Variants in RNF217 observed in about 807,000 individuals in gnomAD.
RNF217 encodes the protein ring finger protein 217, also known as E3 ubiquitin-protein ligase RNF217.
A neutral mutation model predicts 57.8 loss-of-function variants in RNF217; 31 were observed. That is an observed-to-expected ratio of 0.54 (90% CI 0.40 to 0.72). The LOEUF is 0.72. Among genes scored for constraint, RNF217 ranks in the 30% least tolerant of loss-of-function variants. The pLI is 0.00. For missense variants in RNF217, 696 were observed against 708.3 expected, an observed-to-expected ratio of 0.98 and a Z score of 0.20; for synonymous variants, 313 against 294.0, an observed-to-expected ratio of 1.06 and a Z score of -0.66.
chr6:125,079,987 T>A (rs1788515355), intron 4 of RNF217, among the ~76,000 whole-genome samples: 3 of 152,094 alleles, frequency 2.0e-5, no homozygotes, highest in Admixed American at 2.0e-4. Context: ...TTATTTCCTA[T>A]CTCGTTCCTT....
At position 125,048,370 on chromosome 6, in the gene RNF217, A is replaced by T. The variant is rs1787175401; in HGVS notation, c.1116+2926A>T. 6.1e-6 allele frequency: 5 copies of T among 817,244 alleles called. No individual in the cohort carries two copies. In the African/African-American group the frequency reaches 8.8e-5, roughly 14 times the overall value. 50.6% of individuals were successfully genotyped at this position (817,244 alleles called of 1,614,324 possible). A position where few individuals can be genotyped will look rare whatever the true frequency, so the allele number is the denominator to read the frequency against. On this transcript the variant is annotated intron_variant, in intron 2 of 5. Coordinates refer to ENST00000521654, the MANE Select transcript of RNF217 (RefSeq NM_001286398.3). ...AACTTTAAGAGGAGTGAATTCAAGT[A>T]CTCACACACAATACATTGCATCATG...
At chr6:125,049,988 T>C (rs532504136) in intron 2 of RNF217, among the ~76,000 whole-genome samples, 1 of 151,910 alleles carries the variant, frequency 6.6e-6, no homozygotes, top group Non-Finnish European at 1.5e-5. Flanking sequence ...GTCATCAATA[T>C]TGGGGGCAGT....
chr6:124,998,972 G>T (rs1426553538), intron 1 of RNF217, among the ~76,000 whole-genome samples: 1 of 152,094 alleles, frequency 6.6e-6, no homozygotes, highest in African/African-American at 2.4e-5. Context: ...AGTGCCTTTT[G>T]TTGCCACTTT....
At position 125,054,430 on chromosome 6, in the gene RNF217, C is replaced by G. The variant is rs191110356; in HGVS notation, c.1117-3512C>G. ...ACACAAGCTCTGGTAGTGTGAGAGC[C>G]CTTCTGTCATCTCACCAGAAGTCAA... On this transcript the variant is annotated intron_variant, in intron 2 of 5. Transcript: ENST00000521654. 2.0e-5 allele frequency among the ~76,000 whole-genome samples: 3 copies of G among 152,150 alleles called. No homozygotes were observed. The South Asian group carries it at 6.2e-4, about 32-fold the overall frequency.
rs76862620 is a variant in RNF217 at position 125,009,461 on chromosome 6, T to C, written c.883-35750T>C. 2,363 of 479,808 alleles carry C rather than the reference T, an allele frequency of 4.9e-3. 70 individuals are homozygous for C. The East Asian group carries it at 0.062, about 13-fold the overall frequency. The allele number at this position is 479,808 out of a possible 1,614,324, so 29.7% of individuals were successfully genotyped here. ...TGGTGCCATCTCTTTCTAGAAAGAA[T>C]GTAAGAAGGCAGAAAAAAAAAAGAA... On this transcript the variant is annotated intron_variant, in intron 1 of 5. Transcript: ENST00000521654.
rs1212745287 is a variant in RNF217, at chr6:124,962,570, G to C, written c.26G>C (p.Ser9Thr). ...ATGGGCGAGGAGCAGAGCACGGTGA[G>C]CGGCGGCGGCGGGCCCCAGGAGTCG... MGEEQSTV[S>T]GGGGPQESQT... Residue 9 changes from serine (S) to threonine (T), a missense_variant, in exon 1 of 6, where the codon AGC becomes ACC. Physicochemically the swap from Ser to Thr is moderately conservative, Grantham distance 58 (BLOSUM62 1). This residue lies in a region of RNF217 where 465 missense variants were observed against 386.8 expected (regional missense o/e 1.20). Coordinates refer to ENST00000521654, the MANE Select transcript of RNF217 (RefSeq NM_001286398.3). The surrounding 1 kb of genome is among the most constrained non-coding windows in gnomAD (Gnocchi z 4.6). 2.4e-6 allele frequency: 3 copies of C among 1,246,412 alleles called. No homozygotes were observed. The highest frequency in any genetic ancestry group is 3.0e-6 in the Non-Finnish European group (3 of 997,070). 77.2% of individuals were successfully genotyped at this position (1,246,412 alleles called of 1,614,324 possible).
At chr6:125,073,011 C>T (rs748643173) in intron 3 of RNF217, among the ~76,000 whole-genome samples, 16 of 152,312 alleles carry the variant, frequency 1.1e-4, no homozygotes, top group South Asian at 4.1e-4. Flanking sequence ...ATAGGCTCTA[C>T]GCAAAAATTA....
chr6:125,080,257 C>CA (rs947981247), intron 4 of RNF217, among the ~76,000 whole-genome samples: 1 of 151,820 alleles, frequency 6.6e-6, no homozygotes, highest in African/African-American at 2.4e-5. Flanking sequence ...CTGTCATTGG[C>CA]AAAAAATATA....
intron 3 of RNF217, among the ~76,000 whole-genome samples, chr6:125,063,283 A>C (rs1474202756): frequency 6.6e-6 from 1 of 152,220 alleles, no homozygotes; most frequent in Non-Finnish European, 1.5e-5. Flanking sequence ...ATACGTTATA[A>C]AAGCAAATAA....
intron 1 of RNF217, among the ~76,000 whole-genome samples, chr6:124,990,484 C>A (rs1784518871): frequency 1.3e-5 from 2 of 152,132 alleles, no homozygotes; most frequent in South Asian, 4.1e-4. Context: ...TCCCTGTAAA[C>A]CTGTTTTATT....
chr6:125,062,851 A>T (rs1188765278), intron 3 of RNF217, among the ~76,000 whole-genome samples: 40 of 152,192 alleles, frequency 2.6e-4, no homozygotes, highest in Non-Finnish European at 2.9e-5. Flanking sequence ...GTTGGATTAC[A>T]GGCGTGAGCC....
At chr6:125,057,215 G>A (rs894067913) in intron 2 of RNF217, among the ~76,000 whole-genome samples, 2 of 152,066 alleles carry the variant, frequency 1.3e-5, no homozygotes, top group African/African-American at 2.4e-5. Context: ...TCTCTCTGTC[G>A]CCCATGCTGG....
intron 1 of RNF217, among the ~76,000 whole-genome samples, chr6:125,043,051 TAA>T (rs1393072522): frequency 6.6e-6 from 1 of 152,070 alleles, no homozygotes; most frequent in African/African-American, 2.4e-5. Context: ...TCCAGACTCC[TAA>T]GATGGCTTCA....
At chr6:124,989,966 T>G (rs1490702533) in intron 1 of RNF217, among the ~76,000 whole-genome samples, 4 of 152,090 alleles carry the variant, frequency 2.6e-5, no homozygotes, top group Non-Finnish European at 5.9e-5. Context: ...TTCTTTATAA[T>G]GTTTTGCAAA....
At chr6:124,982,142 GA>G (rs999381023) in intron 1 of RNF217, among the ~76,000 whole-genome samples, 2 of 151,768 alleles carry the variant, frequency 1.3e-5, no homozygotes, top group African/African-American at 4.8e-5. Flanking sequence ...TCTTATTTAG[GA>G]ATAAAAGGGA....
chr6:124,974,191 A>G (rs544480068), intron 1 of RNF217, among the ~76,000 whole-genome samples: 2 of 152,270 alleles, frequency 1.3e-5, no homozygotes, highest in South Asian at 2.1e-4. Flanking sequence ...AGGGACATTG[A>G]CCTCAACTTA....
At chr6:124,992,970 GT>G (rs1270287299) in intron 1 of RNF217, among the ~76,000 whole-genome samples, 2 of 152,090 alleles carry the variant, frequency 1.3e-5, no homozygotes, top group Non-Finnish European at 2.9e-5. Context: ...ATTTTCCAAT[GT>G]AATAGAATAT....
chr6:125,007,899 A>G (rs548026075), intron 1 of RNF217, among the ~76,000 whole-genome samples: 20 of 152,336 alleles, frequency 1.3e-4, no homozygotes, highest in African/African-American at 4.8e-4. Context: ...TAATTTATAA[A>G]TCAGGCAGAA....
At chr6:125,013,355 G>A (rs932928332) in intron 1 of RNF217, among the ~76,000 whole-genome samples, 31 of 41,440 alleles carry the variant, frequency 7.5e-4, no homozygotes, top group African/African-American at 2.0e-3. Context: ...TTGTGTATGT[G>A]TGTGTGTGTG....
Sources: gnomAD v4.1 joint callset for allele counts (sites outside exome capture counted in the v4.1 genomes callset) on GRCh38, gnomAD v4.1.1 for gene constraint, gnomAD v4.1.1 regional missense constraint, Gnocchi (gnomAD v3.1) non-coding constraint, MANE v1.5 for transcripts, NCBI Gene and HGNC (gene_info 2026-07-23, HGNC 2026-07-21) for gene names.